BCL11B: variants seen among roughly 807,000 people sequenced by gnomAD.
BCL11B encodes the protein B-cell lymphoma/leukemia 11B.
BCL11B carries 8 observed loss-of-function variants against 49.9 expected under a neutral mutation model. The ratio of observed to expected loss-of-function variants is 0.16; its 90% CI spans 0.09 to 0.29. The LOEUF is 0.29. Ranked by LOEUF, BCL11B falls within the 10% of genes least tolerant of loss-of-function variation. The probability of loss-of-function intolerance (pLI) is 1.00; values close to 1 mark genes in which losing one functional copy is unlikely to be tolerated. For synonymous variants in BCL11B, 739 were observed against 637.4 expected (o/e 1.16, Z -2.40); for missense variants, 1,006 against 1,351.0 (o/e 0.74, Z 4.00).
In BCL11B at chr14:99,228,408, G is replaced by C. The variant is rs1888218275; in HGVS notation, c.640+2937C>G. Reference sequence around the variant, plus strand: ...TCGGGAAACATGGTGGTGCAAGCTGGTGAGGGCCAATGAACTGGGACCGAA... The same window carrying C: ...TCGGGAAACATGGTGGTGCAAGCTGCTGAGGGCCAATGAACTGGGACCGAA... On this transcript the variant is annotated intron_variant, in intron 3 of 3. Coordinates refer to ENST00000357195, the MANE Select transcript of BCL11B (RefSeq NM_138576.4). This position sits in a 1 kb window ranked among gnomAD's most constrained non-coding sequence, Gnocchi z 4.8. Among the ~76,000 whole-genome samples the C allele has an allele frequency of 6.6e-6, 1 of 152,208 alleles. No homozygotes were observed. Among genetic ancestry groups the C allele is most frequent in the Non-Finnish European group, 1.5e-5 (1 of 68,034 alleles).
chr14:99,228,947 G>A lies in BCL11B; in HGVS notation c.640+2398C>T, dbSNP rs142364520. On this transcript the variant is annotated intron_variant, in intron 3 of 3. Transcript: ENST00000357195. This position sits in a 1 kb window ranked among gnomAD's most constrained non-coding sequence, Gnocchi z 4.8. ...GGATGGATGGATGGATGAACGGATG[G>A]GTGGATGGATGGATGCATGGATGGA... Among the ~76,000 whole-genome samples the A allele has an allele frequency of 6.6e-6, 1 of 152,214 alleles. No homozygotes were observed. The highest frequency in any genetic ancestry group is 2.4e-5 in the African/African-American group (1 of 41,508).
intron 2 of BCL11B, among the ~76,000 whole-genome samples, chr14:99,237,721 G>C (rs575408847): frequency 6.6e-6 from 1 of 152,334 alleles, no homozygotes; most frequent in South Asian, 2.1e-4. Context: ...TGTGTTTAAA[G>C]AGTTCCTTCG....
In BCL11B at chr14:99,205,641, C is replaced by T. The variant is rs1319279742; in HGVS notation, c.640+25704G>A. On this transcript the variant is annotated intron_variant, in intron 3 of 3. Transcript: ENST00000357195. The surrounding 1 kb of genome is among the most constrained non-coding windows in gnomAD (Gnocchi z 5.0). ...GACAGGACATTTGAAGCATCCGCCC[C>T]CCTACCCCCCAGCTTTGTGGAATGA... Among the ~76,000 whole-genome samples the T allele has an allele frequency of 6.6e-6, 1 of 152,114 alleles. No homozygotes were observed. Among genetic ancestry groups the T allele is most frequent in the Non-Finnish European group, 1.5e-5 (1 of 68,016 alleles).
chr14:99,268,047 G>A (rs551875949), intron 1 of BCL11B, among the ~76,000 whole-genome samples: 3 of 152,166 alleles, frequency 2.0e-5, no homozygotes, highest in South Asian at 2.1e-4. Context: ...CCCTCGGCAC[G>A]ATTGCCACTG....
intron 2 of BCL11B, among the ~76,000 whole-genome samples, chr14:99,246,725 A>G (rs1470704542): frequency 7.0e-4 from 2 of 2,864 alleles, no homozygotes; most frequent in East Asian, 0.071. Context: ...AGGGGCCTGA[A>G]GACCCCTCGG....
In BCL11B at chr14:99,176,158, G is replaced by A. The variant is rs1175850550; in HGVS notation, c.678C>T (p.Cys226=). 17 of 1,612,244 alleles carry A rather than the reference G, an allele frequency of 1.1e-5. No individual in the cohort carries two copies. The highest frequency in any genetic ancestry group is 4.5e-5 in the East Asian group (2 of 44,728). ...DEPSSYICTT[C]KQPFNSAWFL... Reference sequence around the variant, plus strand: ...ACCACGCGCTGTTGAAGGGCTGCTTGCATGTTGTGCAAATGTAGCTGGAAG... The same window carrying A: ...ACCACGCGCTGTTGAAGGGCTGCTTACATGTTGTGCAAATGTAGCTGGAAG... Residue 226 remains cysteine, a synonymous_variant, in exon 4 of 4, where the codon TGC becomes TGT. Transcript: ENST00000357195.
intron 3 of BCL11B, among the ~76,000 whole-genome samples, chr14:99,216,554 G>A (rs1192673460): frequency 1.3e-5 from 2 of 152,146 alleles, no homozygotes; most frequent in African/African-American, 4.8e-5. Context: ...GAGATTGGGG[G>A]CGGGGGCTCA....
chr14:99,223,257 G>C (rs1888063179), intron 3 of BCL11B, among the ~76,000 whole-genome samples: 1 of 152,126 alleles, frequency 6.6e-6, no homozygotes. Context: ...GAAGATATTG[G>C]CACTCTCTTC....
At position 99,172,126 on chromosome 14, in the gene BCL11B, A is replaced by C. The variant is rs1886310614; in HGVS notation, c.*2025T>G. On this transcript the variant is annotated 3_prime_UTR_variant, in exon 4 of 4. Coordinates refer to ENST00000357195, the MANE Select transcript of BCL11B (RefSeq NM_138576.4). ...CCAATACTGTAAACGTATTTTTAAG[A>C]CAGAGTGCACTAAATTTAACTTTAG... is the stretch of plus-strand genomic sequence containing the variant. 1 of 221,654 alleles carries C rather than the reference A, an allele frequency of 4.5e-6. No homozygotes were observed. Among genetic ancestry groups the C allele is most frequent in the Non-Finnish European group, 9.0e-6 (1 of 110,690 alleles). The allele number at this position is 221,654 out of a possible 1,614,324, so 13.7% of individuals were successfully genotyped here.
At chr14:99,198,060 T>C (rs563246368) in intron 3 of BCL11B, among the ~76,000 whole-genome samples, 146 of 152,318 alleles carry the variant, frequency 9.6e-4, no homozygotes, top group African/African-American at 3.3e-3. Flanking sequence ...GATGGTTTTC[T>C]GGGAAGTGGG....
chr14:99,189,490 CCA>C (rs891372164), intron 3 of BCL11B, among the ~76,000 whole-genome samples: 5 of 152,174 alleles, frequency 3.3e-5, no homozygotes, highest in African/African-American at 4.8e-5. Context: ...ACACGCACAC[CCA>C]CACACACAGT....
Position 99,231,161 on chromosome 14 carries a change from C to A in BCL11B, c.640+184G>T, listed in dbSNP as rs1888319757. Among the ~76,000 whole-genome samples the A allele has an allele frequency of 6.6e-6, 1 of 152,158 alleles. No individual in the cohort carries two copies. The highest frequency in any genetic ancestry group is 6.5e-5 in the Admixed American group (1 of 15,280). On this transcript the variant is annotated intron_variant, in intron 3 of 3. Coordinates refer to ENST00000357195, the MANE Select transcript of BCL11B (RefSeq NM_138576.4). The surrounding 1 kb of genome is among the most constrained non-coding windows in gnomAD (Gnocchi z 8.1). ...TGGGGGCACCGTGGGGGACTCCTGA[C>A]CGAGGGGCACCGGGCCCTGGCTCAT...
At chr14:99,245,123 G>A (rs2139924847) in intron 2 of BCL11B, among the ~76,000 whole-genome samples, 1 of 152,310 alleles carries the variant, frequency 6.6e-6, no homozygotes, top group Middle Eastern at 3.4e-3. Context: ...TGGACAGGCT[G>A]GGCGTCCAAC....
intron 3 of BCL11B, among the ~76,000 whole-genome samples, chr14:99,187,778 T>TTCCTCCTCCTCC (rs11281373): frequency 2.2e-4 from 33 of 150,502 alleles, no homozygotes; most frequent in Admixed American, 6.6e-4. Flanking sequence ...CATGCAGGCC[T>TTCCTCCTCCTCC]TCCTCCTCCT....
At chr14:99,253,794 C>T (rs1889077845) in intron 2 of BCL11B, among the ~76,000 whole-genome samples, 1 of 152,200 alleles carries the variant, frequency 6.6e-6, no homozygotes, top group South Asian at 2.1e-4. Context: ...CCTGTGCTCC[C>T]CTGAACTCCC....
chr14:99,244,987 C>T (rs1299109507), intron 2 of BCL11B, among the ~76,000 whole-genome samples: 1 of 152,180 alleles, frequency 6.6e-6, no homozygotes, highest in East Asian at 1.9e-4. Context: ...GGGTCCAATC[C>T]TAGCCTGGAA....
rs537545373 is a variant in BCL11B at position 99,172,356 on chromosome 14, G to A, written c.*1795C>T. The A allele has an allele frequency of 2.2e-5, 5 of 222,516 alleles. No individual in the cohort carries two copies. The highest frequency in any genetic ancestry group is 1.1e-4 in the African/African-American group (5 of 44,768). 13.8% of individuals were successfully genotyped at this position (222,516 alleles called of 1,614,324 possible). On this transcript the variant is annotated 3_prime_UTR_variant, in exon 4 of 4. Transcript: ENST00000357195. ...TTGTGCTGGGTTTATTTCTTCATTTGATTGGGTCTTATGGCATTTCATATC... is the reference window on the plus strand; with the variant it reads ...TTGTGCTGGGTTTATTTCTTCATTTAATTGGGTCTTATGGCATTTCATATC...
rs988808019 is a variant in BCL11B, at chr14:99,205,965, G to A, written c.640+25380C>T. 1.3e-5 allele frequency among the ~76,000 whole-genome samples: 2 copies of A among 152,146 alleles called. No individual in the cohort carries two copies. The highest frequency in any genetic ancestry group is 2.1e-4 in the South Asian group (1 of 4,828). On this transcript the variant is annotated intron_variant, in intron 3 of 3. Transcript: ENST00000357195. The surrounding 1 kb of genome is among the most constrained non-coding windows in gnomAD (Gnocchi z 5.0). Reference sequence around the variant, plus strand: ...GGGAGGGGAGTCTTGTGGGAAGGGAGCCTGAAGTACCCCCGATACCCTCAA... The same window carrying A: ...GGGAGGGGAGTCTTGTGGGAAGGGAACCTGAAGTACCCCCGATACCCTCAA...
At chr14:99,206,773 G>A (rs549437722) in intron 3 of BCL11B, among the ~76,000 whole-genome samples, 3 of 152,298 alleles carry the variant, frequency 2.0e-5, no homozygotes, top group Admixed American at 2.0e-4. Context: ...TCATAGGTAT[G>A]TGTGTATAGG....
Sources: allele counts gnomAD v4.1 joint callset (sites outside exome capture counted in the v4.1 genomes callset), GRCh38; gene constraint gnomAD v4.1.1; non-coding constraint Gnocchi (gnomAD v3.1); transcripts MANE v1.5; gene names NCBI Gene and HGNC (gene_info 2026-07-23, HGNC 2026-07-21).